The following LPCAT2 variants were observed in gnomAD, a reference collection of about 807,000 sequenced individuals.
LPCAT2 encodes lysophosphatidylcholine acyltransferase 2, also known as 1-AGP acyltransferase 11.
Under a neutral mutation model 64.7 loss-of-function variants are expected in LPCAT2, and 58 were observed. That is an observed-to-expected ratio of 0.90 (90% CI 0.73 to 1.12). The LOEUF is 1.12. Among genes scored for constraint, LPCAT2 ranks in the 50% most tolerant of loss-of-function variants. The pLI is 0.00. For synonymous variants in LPCAT2, 252 were observed against 245.3 expected, an observed-to-expected ratio of 1.03 and a Z score of -0.26; for missense variants, 579 against 669.8, an observed-to-expected ratio of 0.86 and a Z score of 1.50.
chr16:55,550,902 A>C, intron 10 of LPCAT2, 47 bp from the exon 11 acceptor site: 1 of 1,375,958 alleles, frequency 7.3e-7, no homozygotes, highest in Non-Finnish European at 9.7e-7. Flanking sequence ...GTGCATGTGA[A>C]TTGTAAAGGG....
At chr16:55,537,454 A>G in intron 7 of LPCAT2, 124 bp from the exon 8 acceptor site, 1 of 717,276 alleles carries the variant, frequency 1.4e-6, no homozygotes, top group African/African-American at 1.8e-5. Context: ...TGTAGCATTT[A>G]TAAATGCAAA....
At chr16:55,544,235 T>TG (rs1271423615) in intron 8 of LPCAT2, among the ~76,000 whole-genome samples, 5 of 44,666 alleles carry the variant, frequency 1.1e-4, no homozygotes, top group East Asian at 1.4e-3. Context: ...CAGGTCCATT[T>TG]GGAAAAAAAT....
At chr16:55,519,195 C>A (rs1239481713) in intron 1 of LPCAT2, among the ~76,000 whole-genome samples, 1 of 152,002 alleles carries the variant, frequency 6.6e-6, no homozygotes, top group Admixed American at 6.6e-5. Flanking sequence ...TGTTGTCAGA[C>A]CTGCATTCAA....
At chr16:55,572,843 A>G (rs1167314399) in intron 11 of LPCAT2, among the ~76,000 whole-genome samples, 2 of 152,210 alleles carry the variant, frequency 1.3e-5, no homozygotes, top group African/African-American at 4.8e-5. Context: ...TAAAAAAACC[A>G]AAGACCAAAA....
At chr16:55,532,941 T>G in intron 6 of LPCAT2, 59 bp downstream of exon 6, 6 of 1,360,670 alleles carry the variant, frequency 4.4e-6, no homozygotes, top group African/African-American at 1.4e-5. Context: ...ACAGATTCTC[T>G]GGGACCCCTT....
chr16:55,567,641 A>G, intron 11 of LPCAT2: 1 of 840,388 alleles, frequency 1.2e-6, no homozygotes, highest in Non-Finnish European at 1.9e-6. Context: ...ATTTCTGATC[A>G]TGTGCTGCCT....
intron 2 of LPCAT2, among the ~76,000 whole-genome samples, chr16:55,527,778 T>C (rs187829916): frequency 2.0e-5 from 3 of 152,326 alleles, no homozygotes; most frequent in Admixed American, 6.5e-5. Context: ...GGAAGTGAGA[T>C]GTTGAACTCA....
intron 11 of LPCAT2, 100 bp downstream of exon 11, chr16:55,551,202 G>A (rs1963513822): frequency 9.3e-6 from 10 of 1,075,762 alleles, no homozygotes; most frequent in Non-Finnish European, 1.3e-5. Flanking sequence ...GTCAGTGTTA[G>A]AAGAATCAAG....
At chr16:55,551,673 A>G (rs921839642) in intron 11 of LPCAT2, among the ~76,000 whole-genome samples, 1 of 152,212 alleles carries the variant, frequency 6.6e-6, no homozygotes, top group African/African-American at 2.4e-5. Context: ...GCTGCTTATG[A>G]ATATTTAAGG....
chr16:55,533,232 T>G lies in LPCAT2; in HGVS notation c.762+350T>G, dbSNP rs541578160. ...ATTAACTCTAGAAAGAAATTTTTCC[T>G]GACTCAGTGGTCATTACTAGTGAAG... On this transcript the variant is annotated intron_variant, in intron 6 of 13. Transcript: ENST00000262134. Among the ~76,000 whole-genome samples the G allele has an allele frequency of 4.6e-5, 7 of 152,220 alleles. No homozygotes were observed. The South Asian group carries it at 1.2e-3, about 27-fold the overall frequency.
rs1035140232 is a variant in LPCAT2, at chr16:55,551,009, A to T, written c.1122A>T (p.Ser374=). 6.2e-7 allele frequency: 1 copy of T among 1,612,606 alleles called. No individual in the cohort carries two copies. The highest frequency in any genetic ancestry group is 8.5e-7 in the Non-Finnish European group (1 of 1,179,020). Residue 374 remains serine, a synonymous_variant, in exon 11 of 14, where the codon TCA becomes TCT. Coordinates refer to ENST00000262134, the MANE Select transcript of LPCAT2 (RefSeq NM_017839.5). ...LDEYASIASS[S]KGGRIGIEEF... ...AATATGCATCTATTGCGAGTTCCTC[A>T]AAAGGAGGAAGAATTGGAATTGAAG...
chr16:55,582,765 G>A (rs1596894829), intron 13 of LPCAT2, 149 bp from the exon 14 acceptor site: 1 of 584,658 alleles, frequency 1.7e-6, no homozygotes, highest in East Asian at 2.8e-5. Flanking sequence ...TCCCAAAGTG[G>A]TTGTACAACT....
At chr16:55,569,656 T>C (rs763837135) in intron 11 of LPCAT2, among the ~76,000 whole-genome samples, 1 of 152,216 alleles carries the variant, frequency 6.6e-6, no homozygotes, top group Non-Finnish European at 1.5e-5. Flanking sequence ...TACCTACTTT[T>C]ACAATTCTCT....
At chr16:55,544,633 C>T (rs1218335309) in intron 8 of LPCAT2, among the ~76,000 whole-genome samples, 2 of 152,146 alleles carry the variant, frequency 1.3e-5, no homozygotes, top group African/African-American at 4.8e-5. Flanking sequence ...TCTTAAAAAG[C>T]CAACATCAAG....
intron 11 of LPCAT2, among the ~76,000 whole-genome samples, chr16:55,572,525 C>T (rs1028028048): frequency 1.3e-5 from 2 of 152,188 alleles, no homozygotes; most frequent in Non-Finnish European, 2.9e-5. Flanking sequence ...AACAGCCCTC[C>T]AGAGTGCATT....
Position 55,509,188 on chromosome 16 carries a change from C to A in LPCAT2, c.7C>A (p.Arg3=). 1 of 1,396,378 alleles carries A rather than the reference C, an allele frequency of 7.2e-7. No individual in the cohort carries two copies. The highest frequency in any genetic ancestry group is 9.3e-7 in the Non-Finnish European group (1 of 1,070,216). The allele number at this position is 1,396,378 out of a possible 1,614,324, so 86.5% of individuals were successfully genotyped here. A position where few individuals can be genotyped will look rare whatever the true frequency, so the allele number is the denominator to read the frequency against. Residue 3 remains arginine, a synonymous_variant, in exon 1 of 14, where the codon CGG becomes AGG. Transcript: ENST00000262134. ...TTCTACGCCCGGCTCAACTATGAGC[C>A]GGTGCGCCCAGGCGGCGGAAGTGGC... MS[R]CAQAAEVAAT...
At chr16:55,573,108 T>G (rs1284271063) in intron 11 of LPCAT2, among the ~76,000 whole-genome samples, 3 of 152,230 alleles carry the variant, frequency 2.0e-5, no homozygotes, top group Non-Finnish European at 4.4e-5. Flanking sequence ...ATTAAATTAT[T>G]ACTCCTTTTA....
intron 1 of LPCAT2, among the ~76,000 whole-genome samples, chr16:55,515,809 G>A (rs1437361753): frequency 1.3e-5 from 2 of 152,068 alleles, no homozygotes; most frequent in African/African-American, 4.8e-5. Flanking sequence ...AAGTTAAGAT[G>A]CCAACACTTA....
At chr16:55,574,793 A>C (rs1173884201) in intron 12 of LPCAT2, 64 bp downstream of exon 12, 19 of 1,165,472 alleles carry the variant, frequency 1.6e-5, no homozygotes, top group Non-Finnish European at 2.3e-5. Flanking sequence ...CTCTAAGTGT[A>C]TTATTTGAAA....
Sources: gnomAD v4.1 joint callset for allele counts (sites outside exome capture counted in the v4.1 genomes callset) on GRCh38, gnomAD v4.1.1 for gene constraint, MANE v1.5 for transcripts, NCBI Gene and HGNC (gene_info 2026-07-23, HGNC 2026-07-21) for gene names.